RTRAF: variants seen among roughly 807,000 people sequenced by gnomAD.
RTRAF encodes RNA transcription, translation and transport factor.
Under a neutral mutation model 34.4 loss-of-function variants are expected in RTRAF, and 14 were observed. The ratio of observed to expected loss-of-function variants is 0.41; its 90% CI spans 0.27 to 0.64. The LOEUF (loss-of-function observed/expected upper bound fraction) is 0.64, where lower values mean the gene tolerates loss of function less well. Ranked by LOEUF, RTRAF falls within the 30% of genes least tolerant of loss-of-function variation. The probability of loss-of-function intolerance (pLI) is 0.34; values close to 1 mark genes in which losing one functional copy is unlikely to be tolerated. For synonymous variants in RTRAF, 96 were observed against 95.3 expected, an observed-to-expected ratio of 1.01 and a Z score of -0.04; for missense variants, 291 against 288.4, an observed-to-expected ratio of 1.01 and a Z score of -0.06.
chr14:52,000,008 T>G, intron 5 of RTRAF: 1 of 448,968 alleles, frequency 2.2e-6, no homozygotes, highest in Admixed American at 3.6e-5. Context: ...ATGTTCTCAT[T>G]CAATCCTGCC....
chr14:52,009,777 C>G lies in RTRAF; in HGVS notation c.*5261C>G, dbSNP rs144405077. ...TTGGGAGGCCAAGGCAGGTGGATCA[C>G]CCAGGGTCAGGAGTTGGAGACCAAA... On this transcript the variant is annotated 3_prime_UTR_variant, in exon 8 of 8. Coordinates refer to ENST00000261700, the MANE Select transcript of RTRAF (RefSeq NM_016039.3). 3.3e-5 allele frequency: 5 copies of G among 152,366 alleles called. No homozygotes were observed. Among genetic ancestry groups the G allele is most frequent in the Middle Eastern group, 3.4e-3 (1 of 294 alleles). 9.4% of individuals were successfully genotyped at this position (152,366 alleles called of 1,614,324 possible). A position where few individuals can be genotyped will look rare whatever the true frequency, so the allele number is the denominator to read the frequency against.
At chr14:51,992,423 A>G (rs376230364) in intron 2 of RTRAF, among the ~76,000 whole-genome samples, 3 of 152,180 alleles carry the variant, frequency 2.0e-5, no homozygotes, top group East Asian at 3.9e-4. Context: ...TTTTTCATCA[A>G]TAAGTGAGGG....
Position 52,005,313 on chromosome 14 carries a change from A to G in RTRAF, c.*797A>G. On this transcript the variant is annotated 3_prime_UTR_variant, in exon 8 of 8. Coordinates refer to ENST00000261700, the MANE Select transcript of RTRAF (RefSeq NM_016039.3). ...CATTTTTAAAAATACAGTAGTAAAGATTGAGGTATCAGCTTTTCACAAAAG... is the reference window on the plus strand; with the variant it reads ...CATTTTTAAAAATACAGTAGTAAAGGTTGAGGTATCAGCTTTTCACAAAAG... 2.1e-6 allele frequency: 1 copy of G among 469,086 alleles called. No individual in the cohort carries two copies. The highest frequency in any genetic ancestry group is 3.7e-6 in the Non-Finnish European group (1 of 273,548). The allele number at this position is 469,086 out of a possible 1,614,324, so 29.1% of individuals were successfully genotyped here.
rs1890714819 is a variant in RTRAF, at chr14:52,005,205, T to C, written c.*689T>C. On this transcript the variant is annotated 3_prime_UTR_variant, in exon 8 of 8. Transcript: ENST00000261700. ...TGAATGAATTTGATCTTTTAAATATTAATGATAAATGTTTACAAGAAGTTG... is the reference window on the plus strand; with the variant it reads ...TGAATGAATTTGATCTTTTAAATATCAATGATAAATGTTTACAAGAAGTTG... 2 of 313,438 alleles carry C rather than the reference T, an allele frequency of 6.4e-6. No homozygotes were observed. Among genetic ancestry groups the C allele is most frequent in the Non-Finnish European group, 1.2e-5 (2 of 172,044 alleles). 19.4% of individuals were successfully genotyped at this position (313,438 alleles called of 1,614,324 possible). A position where few individuals can be genotyped will look rare whatever the true frequency, so the allele number is the denominator to read the frequency against.
At chr14:51,999,938 A>T (rs1051838362) in intron 5 of RTRAF, 142 bp downstream of exon 5, 16 of 596,150 alleles carry the variant, frequency 2.7e-5, no homozygotes, top group Non-Finnish European at 3.7e-5. Flanking sequence ...AGTAGATTTC[A>T]TGGTTTTATC....
intron 5 of RTRAF, 43 bp downstream of exon 5, chr14:51,999,839 A>T (rs1890574474): frequency 1.4e-6 from 2 of 1,379,580 alleles, no homozygotes; most frequent in Non-Finnish European, 2.0e-6. Context: ...CTGTGCACAT[A>T]GAAAAATGTC....
At position 52,009,565 on chromosome 14, in the gene RTRAF, A is replaced by C. The variant is rs1890928206; in HGVS notation, c.*5049A>C. 6.6e-6 allele frequency: 1 copy of C among 152,182 alleles called. No homozygotes were observed. The highest frequency in any genetic ancestry group is 2.1e-4 in the South Asian group (1 of 4,834). 9.4% of individuals were successfully genotyped at this position (152,182 alleles called of 1,614,324 possible). On this transcript the variant is annotated 3_prime_UTR_variant, in exon 8 of 8. Transcript: ENST00000261700. ...TTTGCTGTCTGGATAAGAAAGTTCTACTTTCATATTTAAACTCATGGCTGT... is the reference window on the plus strand; with the variant it reads ...TTTGCTGTCTGGATAAGAAAGTTCTCCTTTCATATTTAAACTCATGGCTGT...
At chr14:51,992,287 G>C (rs997695722) in intron 2 of RTRAF, among the ~76,000 whole-genome samples, 2 of 152,132 alleles carry the variant, frequency 1.3e-5, no homozygotes, top group Non-Finnish European at 1.5e-5. Flanking sequence ...TATTTTTCTT[G>C]AAAAAGGCTA....
In RTRAF at chr14:52,010,322, A is replaced by G. The variant is rs1373735838; in HGVS notation, c.*5806A>G. On this transcript the variant is annotated 3_prime_UTR_variant, in exon 8 of 8. Transcript: ENST00000261700. ...AGATATAAAAATTCTCCCTGATTGT[A>G]ACAAGTACTGAGACAGTGAACAAAT... The G allele has an allele frequency of 6.6e-6, 1 of 152,280 alleles. No homozygotes were observed. The highest frequency in any genetic ancestry group is 2.1e-4 in the South Asian group (1 of 4,832). The allele number at this position is 152,280 out of a possible 1,614,324, so 9.4% of individuals were successfully genotyped here.
rs142246527 is a variant in RTRAF at position 52,000,919 on chromosome 14, A to G, written c.463-879A>G. On this transcript the variant is annotated intron_variant, in intron 5 of 7. Transcript: ENST00000261700. ...ACCCAAGGGGATAAAGTATAAATCA[A>G]CTACAACAAAATGCTATAAAATTCT... is the stretch of plus-strand genomic sequence containing the variant. 1.2e-4 allele frequency among the ~76,000 whole-genome samples: 18 copies of G among 152,312 alleles called. No homozygotes were observed. In the East Asian group the frequency reaches 3.3e-3, roughly 28 times the overall value.
chr14:52,009,405 A>G lies in RTRAF; in HGVS notation c.*4889A>G, dbSNP rs761651485. On this transcript the variant is annotated 3_prime_UTR_variant, in exon 8 of 8. Coordinates refer to ENST00000261700, the MANE Select transcript of RTRAF (RefSeq NM_016039.3). Reference sequence around the variant, plus strand: ...TAAAGGTGAAATCTATAGAAAGCAAATGAGAAATATGCAGGAAGGCTTGAC... The same window carrying G: ...TAAAGGTGAAATCTATAGAAAGCAAGTGAGAAATATGCAGGAAGGCTTGAC... 2.0e-5 allele frequency: 3 copies of G among 152,216 alleles called. No individual in the cohort carries two copies. The highest frequency in any genetic ancestry group is 2.9e-5 in the Non-Finnish European group (2 of 68,040). 9.4% of individuals were successfully genotyped at this position (152,216 alleles called of 1,614,324 possible).
chr14:51,993,595 A>C, intron 2 of RTRAF, 128 bp from the exon 3 acceptor site: 1 of 611,578 alleles, frequency 1.6e-6, no homozygotes, highest in Admixed American at 3.6e-5. Context: ...ATTGCATCAA[A>C]AGTGTAGTAA....
intron 2 of RTRAF, among the ~76,000 whole-genome samples, chr14:51,992,860 G>T (rs939620547): frequency 6.6e-6 from 1 of 152,050 alleles, no homozygotes; most frequent in Non-Finnish European, 1.5e-5. Flanking sequence ...GCGAAACCCC[G>T]TCTCTACTAA....
At chr14:51,992,867 C>T (rs1415169589) in intron 2 of RTRAF, among the ~76,000 whole-genome samples, 1 of 152,100 alleles carries the variant, frequency 6.6e-6, no homozygotes, top group Non-Finnish European at 1.5e-5. Context: ...CCCGTCTCTA[C>T]TAAAAACACA....
chr14:52,006,807 G>T lies in RTRAF; in HGVS notation c.*2291G>T. 1 of 748,324 alleles carries T rather than the reference G, an allele frequency of 1.3e-6. No individual in the cohort carries two copies. The allele number at this position is 748,324 out of a possible 1,614,324, so 46.4% of individuals were successfully genotyped here. A position where few individuals can be genotyped will look rare whatever the true frequency, so the allele number is the denominator to read the frequency against. On this transcript the variant is annotated 3_prime_UTR_variant, in exon 8 of 8. Transcript: ENST00000261700. The stretch of plus-strand genomic sequence containing the variant: ...TAGATTAGCAACTGTAAAATTACCT[G>T]TCCTATTACTAGTCTCCAGTTTTTA...
chr14:51,999,498 A>T (rs899744844), intron 4 of RTRAF: 23 of 443,376 alleles, frequency 5.2e-5, no homozygotes, highest in African/African-American at 4.4e-4. Context: ...ACCGTCTCAT[A>T]CAGTAATAGG....
chr14:52,005,652 A>G lies in RTRAF; in HGVS notation c.*1136A>G. On this transcript the variant is annotated 3_prime_UTR_variant, in exon 8 of 8. Transcript: ENST00000261700. ...GGAAGAAGGCAATGGTGGCAGTGTC[A>G]CAGGCAGCAGGGGTAATCAAATACC... The G allele has an allele frequency of 7.3e-7, 1 of 1,374,834 alleles. No homozygotes were observed. Among genetic ancestry groups the G allele is most frequent in the Non-Finnish European group, 1.0e-6 (1 of 964,426 alleles). The allele number at this position is 1,374,834 out of a possible 1,614,324, so 85.2% of individuals were successfully genotyped here. A position where few individuals can be genotyped will look rare whatever the true frequency, so the allele number is the denominator to read the frequency against.
intron 3 of RTRAF, among the ~76,000 whole-genome samples, chr14:51,996,063 T>G (rs962103335): frequency 9.2e-5 from 14 of 152,168 alleles, no homozygotes; most frequent in Admixed American, 7.9e-4. Context: ...CAATGGTAGA[T>G]GCATATGGTC....
Position 52,006,515 on chromosome 14 carries a change from G to T in RTRAF, c.*1999G>T, listed in dbSNP as rs758423156. 6.2e-7 allele frequency: 1 copy of T among 1,612,828 alleles called. No homozygotes were observed. The highest frequency in any genetic ancestry group is 8.5e-7 in the Non-Finnish European group (1 of 1,179,104). ...TGGAACAGTTGGCCTTTTCAGGCTTGTCCAGAATTTGTGGGGCTCACCTCC... is the reference window on the plus strand; with the variant it reads ...TGGAACAGTTGGCCTTTTCAGGCTTTTCCAGAATTTGTGGGGCTCACCTCC... On this transcript the variant is annotated 3_prime_UTR_variant, in exon 8 of 8. Coordinates refer to ENST00000261700, the MANE Select transcript of RTRAF (RefSeq NM_016039.3).
Sources: allele counts gnomAD v4.1 joint callset (sites outside exome capture counted in the v4.1 genomes callset), GRCh38; gene constraint gnomAD v4.1.1; transcripts MANE v1.5; gene names NCBI Gene and HGNC (gene_info 2026-07-23, HGNC 2026-07-21).